Variants in FLRT1 observed in about 807,000 individuals in gnomAD.
FLRT1 encodes fibronectin leucine rich transmembrane protein 1, also known as leucine-rich repeat transmembrane protein FLRT1.
Under a neutral mutation model 30.9 loss-of-function variants are expected in FLRT1, and 14 were observed. That is an observed-to-expected ratio of 0.45 (90% confidence interval 0.30 to 0.71). The LOEUF (loss-of-function observed/expected upper bound fraction) is 0.71. Among genes scored for constraint, FLRT1 ranks in the 30% least tolerant of loss-of-function variants. FLRT1 has a pLI of 0.08. For synonymous variants in FLRT1, 368 were observed against 430.4 expected, an observed-to-expected ratio of 0.85 and a Z score of 1.80; for missense variants, 737 against 949.2, an observed-to-expected ratio of 0.78 and a Z score of 2.94.
intron 1 of FLRT1, among the ~76,000 whole-genome samples, chr11:64,038,102 C>G (rs1943417425): frequency 6.6e-6 from 1 of 152,172 alleles, no homozygotes; most frequent in Non-Finnish European, 1.5e-5. Flanking sequence ...GTGTCCCCTC[C>G]TCCCCATCTC....
chr11:64,081,299 G>A (rs1004063838), intron 1 of FLRT1, among the ~76,000 whole-genome samples: 9 of 152,322 alleles, frequency 5.9e-5, no homozygotes, highest in Non-Finnish European at 1.2e-4. Flanking sequence ...TGGGATTACA[G>A]GCGTGAGCCA....
At position 64,117,555 on chromosome 11, in the gene FLRT1, A is replaced by T; in HGVS notation, c.1288A>T (p.Met430Leu). 6.2e-7 allele frequency: 1 copy of T among 1,605,996 alleles called. No homozygotes were observed. Among genetic ancestry groups the T allele is most frequent in the South Asian group, 1.1e-5 (1 of 90,438 alleles). ...CCCCGACTCCAACATTGACTACCCCATGGCCACGGGTGATGGCGCCAAGAC... is the reference window on the plus strand; with the variant it reads ...CCCCGACTCCAACATTGACTACCCCTTGGCCACGGGTGATGGCGCCAAGAC... ...RLPDSNIDYP[M>L]ATGDGAKTLA... Residue 430 changes from methionine to leucine, a missense_variant, in exon 3 of 3, where the codon ATG (methionine) becomes TTG (leucine). By Grantham distance (15) the Met-to-Leu change is conservative. Transcript: ENST00000682287.
At position 64,118,346 on chromosome 11, in the gene FLRT1, T is replaced by A; in HGVS notation, c.*54T>A. On this transcript the variant is annotated 3_prime_UTR_variant, in exon 3 of 3. Transcript: ENST00000682287. ...AGCCCCAGCTGCCCTGGCGTGGCCATGTGGCTTTGCCCAGCCTGCTGCAAT... is the reference window on the plus strand; with the variant it reads ...AGCCCCAGCTGCCCTGGCGTGGCCAAGTGGCTTTGCCCAGCCTGCTGCAAT... 1 of 1,496,732 alleles carries A rather than the reference T, an allele frequency of 6.7e-7. No homozygotes were observed. Among genetic ancestry groups the A allele is most frequent in the Admixed American group, 2.3e-5 (1 of 44,154 alleles). The allele number at this position is 1,496,732 out of a possible 1,614,324, so 92.7% of individuals were successfully genotyped here.
Position 64,118,349 on chromosome 11 carries a change from G to A in FLRT1, c.*57G>A. The A allele has an allele frequency of 6.7e-7, 1 of 1,490,774 alleles. No individual in the cohort carries two copies. Among genetic ancestry groups the A allele is most frequent in the Admixed American group, 2.3e-5 (1 of 43,404 alleles). The allele number at this position is 1,490,774 out of a possible 1,614,324, so 92.3% of individuals were successfully genotyped here. A position where few individuals can be genotyped will look rare whatever the true frequency, so the allele number is the denominator to read the frequency against. On this transcript the variant is annotated 3_prime_UTR_variant, in exon 3 of 3. Coordinates refer to ENST00000682287, the MANE Select transcript of FLRT1 (RefSeq NM_013280.5). ...CCCAGCTGCCCTGGCGTGGCCATGTGGCTTTGCCCAGCCTGCTGCAATCCA... is the reference window on the plus strand; with the variant it reads ...CCCAGCTGCCCTGGCGTGGCCATGTAGCTTTGCCCAGCCTGCTGCAATCCA...
At chr11:64,053,014 C>G (rs991773044) in intron 1 of FLRT1, among the ~76,000 whole-genome samples, 1 of 152,216 alleles carries the variant, frequency 6.6e-6, no homozygotes, top group African/African-American at 2.4e-5. Flanking sequence ...CGGTTGCTTA[C>G]ACCCCGGGCT....
chr11:64,113,417 C>CACGG (rs113928065), intron 2 of FLRT1, among the ~76,000 whole-genome samples: 1 of 144,720 alleles, frequency 6.9e-6, no homozygotes. Flanking sequence ...CAGGTTGATG[C>CACGG]ATGGATGGAT....
rs746475638 is a variant in FLRT1 at position 64,118,269 on chromosome 11, G to A, written c.2002G>A (p.Asp668Asn). Residue 668 changes from aspartate (D) to asparagine (N), a missense_variant, in exon 3 of 3, where the codon GAC becomes AAC. Physicochemically the swap from Asp to Asn is conservative, Grantham distance 23 (BLOSUM62 1). Coordinates refer to ENST00000682287, the MANE Select transcript of FLRT1 (RefSeq NM_013280.5). ...TRGYRDGGIP[D>N]IDYSYT ...GGGCTACCGGGACGGCGGCATCCCC[G>A]ACATAGACTACTCCTACACATGATG... 55 of 1,588,930 alleles carry A rather than the reference G, an allele frequency of 3.5e-5. No individual in the cohort carries two copies. The highest frequency in any genetic ancestry group is 1.0e-4 in the South Asian group (9 of 87,952).
At chr11:64,098,231 G>A (rs1944612426) in intron 1 of FLRT1, among the ~76,000 whole-genome samples, 2 of 152,164 alleles carry the variant, frequency 1.3e-5, no homozygotes, top group African/African-American at 4.8e-5. Context: ...CAAAGACCAG[G>A]CCCCTCAGTG....
intron 2 of FLRT1, among the ~76,000 whole-genome samples, 169 bp from the exon 3 acceptor site, chr11:64,116,050 C>A (rs577065924): frequency 6.6e-5 from 10 of 152,186 alleles, no homozygotes; most frequent in Non-Finnish European, 7.3e-5. Context: ...CAATCACCTG[C>A]GGCATAAACC....
chr11:64,094,911 C>T (rs1293711707), intron 1 of FLRT1, among the ~76,000 whole-genome samples: 1 of 152,198 alleles, frequency 6.6e-6, no homozygotes, highest in African/African-American at 2.4e-5. Context: ...GCCTGTGTCC[C>T]AAGAGGGGAG....
At chr11:64,070,902 G>C (rs1047895787) in intron 1 of FLRT1, among the ~76,000 whole-genome samples, 13 of 152,082 alleles carry the variant, frequency 8.5e-5, no homozygotes, top group African/African-American at 2.4e-4. Context: ...TTGGGGAAGG[G>C]GTACCCATGG....
intron 1 of FLRT1, among the ~76,000 whole-genome samples, chr11:64,072,489 A>C (rs1944128543): frequency 1.3e-5 from 2 of 152,240 alleles, no homozygotes; most frequent in Admixed American, 6.5e-5. Context: ...GCATTCCATA[A>C]GTTACGAGCA....
chr11:64,073,635 A>G (rs1944147743), intron 1 of FLRT1, among the ~76,000 whole-genome samples: 2 of 152,316 alleles, frequency 1.3e-5, no homozygotes, highest in Non-Finnish European at 1.5e-5. Flanking sequence ...CTGGGGGTGC[A>G]CATGTACGTC....
intron 1 of FLRT1, among the ~76,000 whole-genome samples, chr11:64,080,966 T>C (rs150101266): frequency 2.0e-5 from 3 of 152,278 alleles, no homozygotes; most frequent in African/African-American, 7.2e-5. Flanking sequence ...TTATGTGACA[T>C]TGTTGAAGTC....
rs320142 is a variant in FLRT1 at position 64,038,067 on chromosome 11, C to T, written c.-1038+1908C>T. 8.9e-3 allele frequency among the ~76,000 whole-genome samples: 1,354 copies of T among 152,274 alleles called. 23 individuals are homozygous for T. The highest frequency in any genetic ancestry group is 0.031 in the African/African-American group (1,278 of 41,538). On this transcript the variant is annotated intron_variant, in intron 1 of 2. Transcript: ENST00000682287. ...GTGCTGTCACTGGACTTCATCCTCA[C>T]GCTGGCCCTCAGTGGCAGCGCCCTG...
At position 64,036,031 on chromosome 11, in the gene FLRT1, G is replaced by T. The variant is rs1339150053; in HGVS notation, c.-1166G>T. 1 of 151,146 alleles carries T rather than the reference G, an allele frequency of 6.6e-6. No homozygotes were observed. The highest frequency in any genetic ancestry group is 1.5e-5 in the Non-Finnish European group (1 of 67,712). The allele number at this position is 151,146 out of a possible 1,614,324, so 9.4% of individuals were successfully genotyped here. ...CACCGTGCTCTGCCGCGCGCCGGGG[G>T]CTCCTCTCCCGGGCCCCCCTGGGCG... On this transcript the variant is annotated 5_prime_UTR_variant, in exon 1 of 3. Coordinates refer to ENST00000682287, the MANE Select transcript of FLRT1 (RefSeq NM_013280.5). This position sits in a 1 kb window ranked among gnomAD's most constrained non-coding sequence, Gnocchi z 5.6.
In FLRT1 at chr11:64,118,330, T is replaced by C; in HGVS notation, c.*38T>C. ...CGGGCTGCCCCGCCTCAGCCCCAGC[T>C]GCCCTGGCGTGGCCATGTGGCTTTG... On this transcript the variant is annotated 3_prime_UTR_variant, in exon 3 of 3. Coordinates refer to ENST00000682287, the MANE Select transcript of FLRT1 (RefSeq NM_013280.5). 6.6e-7 allele frequency: 1 copy of C among 1,515,740 alleles called. No individual in the cohort carries two copies. Among genetic ancestry groups the C allele is most frequent in the Admixed American group, 2.1e-5 (1 of 47,376 alleles). 93.9% of individuals were successfully genotyped at this position (1,515,740 alleles called of 1,614,324 possible). A position where few individuals can be genotyped will look rare whatever the true frequency, so the allele number is the denominator to read the frequency against.
intron 1 of FLRT1, among the ~76,000 whole-genome samples, chr11:64,059,026 C>T (rs1233137816): frequency 6.6e-6 from 1 of 152,196 alleles, no homozygotes; most frequent in African/African-American, 2.4e-5. Flanking sequence ...TGAGGAGTGC[C>T]TGATGCTCTT....
At chr11:64,086,699 G>A (rs896658175) in intron 1 of FLRT1, among the ~76,000 whole-genome samples, 1 of 152,178 alleles carries the variant, frequency 6.6e-6, no homozygotes, top group Non-Finnish European at 1.5e-5. Context: ...GACAGAGAGG[G>A]GGAGAAGGGC....
Sources: gnomAD v4.1 joint callset for allele counts (sites outside exome capture counted in the v4.1 genomes callset) on GRCh38, gnomAD v4.1.1 for gene constraint, Gnocchi (gnomAD v3.1) non-coding constraint, MANE v1.5 for transcripts, NCBI Gene and HGNC (gene_info 2026-07-23, HGNC 2026-07-21) for gene names.